Variants in RRM2B observed in about 807,000 individuals in gnomAD.
The protein encoded by RRM2B is ribonucleoside-diphosphate reductase subunit M2 B.
In RRM2B, 20 loss-of-function variants were observed where a neutral mutation model predicts 45.9. The observed-to-expected ratio is 0.44, with a 90% CI of 0.31 to 0.63. The LOEUF is 0.63. Ranked by LOEUF, RRM2B falls within the 30% of genes least tolerant of loss-of-function variation. RRM2B has a pLI of 0.09. For synonymous variants in RRM2B, 124 were observed against 132.3 expected (o/e 0.94, Z 0.43); for missense variants, 320 against 414.7 (o/e 0.77, Z 1.98).
chr8:102,227,008 C>T (rs1248080167), intron 2 of RRM2B, among the ~76,000 whole-genome samples: 1 of 152,164 alleles, frequency 6.6e-6, no homozygotes, highest in South Asian at 2.1e-4. Context: ...GCCACCACAG[C>T]TGGCCTTGTT....
chr8:102,218,851 C>G lies in RRM2B; in HGVS notation c.647G>C (p.Gly216Ala). The G allele has an allele frequency of 1.2e-6, 2 of 1,613,886 alleles. No individual in the cohort carries two copies. The highest frequency in any genetic ancestry group is 1.7e-6 in the Non-Finnish European group (2 of 1,179,894). Reference sequence around the variant, plus strand: ...GATGAGTTCATTGGAAAAAGTGAGTCCTGGCATAAGACCTCTCTTCTTTAG... The same window carrying G: ...GATGAGTTCATTGGAAAAAGTGAGTGCTGGCATAAGACCTCTCTTCTTTAG... ...FWLKKRGLMPGLTFSNELISR... is the reference protein window; with the variant it reads ...FWLKKRGLMPALTFSNELISR... The change falls in exon 6 of 9, where the codon GGA becomes GCA. Residue 216 changes from glycine (G) to alanine (A), a missense_variant. Coordinates refer to ENST00000251810, the MANE Select transcript of RRM2B (RefSeq NM_015713.5).
Position 102,207,410 on chromosome 8 carries a change from C to T in RRM2B, c.*723G>A, listed in dbSNP as rs374351805. On this transcript the variant is annotated 3_prime_UTR_variant, in exon 9 of 9. Coordinates refer to ENST00000251810, the MANE Select transcript of RRM2B (RefSeq NM_015713.5). ...AGAATCATTTTTCTTATAAGGTCAACTACCATGATAACCTCCTGGTTTCCA... is the reference window on the plus strand; with the variant it reads ...AGAATCATTTTTCTTATAAGGTCAATTACCATGATAACCTCCTGGTTTCCA... The T allele has an allele frequency of 2.0e-5, 3 of 152,322 alleles. No individual in the cohort carries two copies. Among genetic ancestry groups the T allele is most frequent in the African/African-American group, 7.2e-5 (3 of 41,568 alleles). The allele number at this position is 152,322 out of a possible 1,614,324, so 9.4% of individuals were successfully genotyped here.
chr8:102,236,550 G>T (rs1811123738), intron 1 of RRM2B, among the ~76,000 whole-genome samples: 1 of 152,186 alleles, frequency 6.6e-6, no homozygotes. Context: ...TGTTGGCCAG[G>T]CTTTTTGGTA....
rs922344841 is a variant in RRM2B, at chr8:102,227,130, G to C, written c.205-1096C>G. ...CTCAAAGTGTTGGGATTACAGGTGT[G>C]AGCCATCACAGGTGGCCAACAACCC... On this transcript the variant is annotated intron_variant, in intron 2 of 8. Transcript: ENST00000251810. 1.3e-5 allele frequency among the ~76,000 whole-genome samples: 2 copies of C among 151,470 alleles called. 1 individual carries two copies. The highest frequency in any genetic ancestry group is 4.9e-5 in the African/African-American group (2 of 41,166).
chr8:102,225,569 C>T (rs925102305), intron 3 of RRM2B, among the ~76,000 whole-genome samples: 4 of 152,124 alleles, frequency 2.6e-5, no homozygotes, highest in African/African-American at 9.7e-5. Context: ...ATTATGCCTC[C>T]TGATCAACCA....
At chr8:102,220,657 G>C (rs1216784230) in intron 5 of RRM2B, among the ~76,000 whole-genome samples, 2 of 152,136 alleles carry the variant, frequency 1.3e-5, no homozygotes, top group African/African-American at 4.8e-5. Flanking sequence ...TGGCTGGTTT[G>C]AACTTCTGGC....
chr8:102,218,633 G>C (rs1402449916), intron 6 of RRM2B, among the ~76,000 whole-genome samples, 181 bp downstream of exon 6: 1 of 151,434 alleles, frequency 6.6e-6, no homozygotes, highest in African/African-American at 2.4e-5. Flanking sequence ...GCTGAGATGG[G>C]AGGAATGCTT....
intron 1 of RRM2B, among the ~76,000 whole-genome samples, chr8:102,235,804 A>T (rs1254837945): frequency 6.6e-6 from 1 of 152,140 alleles, no homozygotes; most frequent in East Asian, 1.9e-4. Flanking sequence ...GTGCCACTGT[A>T]TGTACTCCAG....
chr8:102,230,466 C>T (rs1034751433), intron 2 of RRM2B, among the ~76,000 whole-genome samples: 4 of 152,070 alleles, frequency 2.6e-5, no homozygotes, highest in African/African-American at 4.8e-5. Flanking sequence ...ACATAATGAA[C>T]GAAAAAGCCA....
intron 1 of RRM2B, among the ~76,000 whole-genome samples, chr8:102,233,659 C>T (rs985689324): frequency 1.3e-5 from 2 of 152,188 alleles, no homozygotes; most frequent in African/African-American, 4.8e-5. Flanking sequence ...GGTTAGGTTC[C>T]AGATATAAGT....
At chr8:102,224,023 A>G (rs1353417720) in intron 5 of RRM2B, 23 bp downstream of exon 5, 2 of 1,518,920 alleles carry the variant, frequency 1.3e-6, no homozygotes, top group Non-Finnish European at 1.8e-6. Context: ...AAATCTGATC[A>G]TACATAAATT....
At chr8:102,227,462 G>C (rs1322189524) in intron 2 of RRM2B, among the ~76,000 whole-genome samples, 1 of 151,888 alleles carries the variant, frequency 6.6e-6, no homozygotes, top group Non-Finnish European at 1.5e-5. Context: ...AACCATGCCT[G>C]GCTAATTTTT....
At chr8:102,235,223 A>C (rs1005071332) in intron 1 of RRM2B, among the ~76,000 whole-genome samples, 1 of 152,230 alleles carries the variant, frequency 6.6e-6, no homozygotes, top group African/African-American at 2.4e-5. Flanking sequence ...CCTGAACTAG[A>C]AACACACACA....
chr8:102,211,196 A>G (rs924796887), intron 8 of RRM2B, among the ~76,000 whole-genome samples: 2 of 152,288 alleles, frequency 1.3e-5, no homozygotes, highest in Non-Finnish European at 2.9e-5. Flanking sequence ...GGATTTCGCC[A>G]TGTTGCCTAG....
In RRM2B at chr8:102,205,698, AC is replaced by A. The variant is rs1810531558; in HGVS notation, c.*2434del. ...TAAAAAAGAGAAAACAGTTGTAAAC[AC>A]ACTCTTAATTTTTTTCTTTATCTGC... is the stretch of plus-strand genomic sequence containing the variant. On this transcript the variant is annotated 3_prime_UTR_variant, in exon 9 of 9. Coordinates refer to ENST00000251810, the MANE Select transcript of RRM2B (RefSeq NM_015713.5). The A allele has an allele frequency of 1.3e-5, 2 of 152,190 alleles. No individual in the cohort carries two copies. Among genetic ancestry groups the A allele is most frequent in the South Asian group, 4.1e-4 (2 of 4,838 alleles). The allele number at this position is 152,190 out of a possible 1,614,324, so 9.4% of individuals were successfully genotyped here.
At chr8:102,228,177 G>C (rs1354588904) in intron 2 of RRM2B, among the ~76,000 whole-genome samples, 1 of 152,210 alleles carries the variant, frequency 6.6e-6, no homozygotes, top group Non-Finnish European at 1.5e-5. Flanking sequence ...AGGAGAAGCA[G>C]CTGGATGTCA....
intron 2 of RRM2B, among the ~76,000 whole-genome samples, chr8:102,227,130 G>A (rs922344841): frequency 6.6e-6 from 1 of 151,470 alleles, no homozygotes; most frequent in Non-Finnish European, 1.5e-5. Flanking sequence ...TTACAGGTGT[G>A]AGCCATCACA....
At chr8:102,215,239 C>T (rs1810709030) in intron 6 of RRM2B, among the ~76,000 whole-genome samples, 1 of 151,258 alleles carries the variant, frequency 6.6e-6, no homozygotes, top group Admixed American at 6.6e-5. Flanking sequence ...CTGGCAAAAC[C>T]CCATCTCTGC....
chr8:102,225,228 C>CTTTTTTT (rs918693739), intron 3 of RRM2B, among the ~76,000 whole-genome samples: 52 of 87,514 alleles, frequency 5.9e-4, no homozygotes, highest in East Asian at 1.2e-3. Flanking sequence ...ATAGTATATT[C>CTTTTTTT]TTTTTTTTTT....
Sources: gnomAD v4.1 joint callset for allele counts (sites outside exome capture counted in the v4.1 genomes callset) on GRCh38, gnomAD v4.1.1 for gene constraint, MANE v1.5 for transcripts, NCBI Gene and HGNC (gene_info 2026-07-23, HGNC 2026-07-21) for gene names.